Variants in ZNF66 observed in about 807,000 individuals in gnomAD.
ZNF66 encodes putative zinc finger protein 66.
Under a neutral mutation model 35.2 loss-of-function variants are expected in ZNF66, and 32 were observed. The ratio of observed to expected loss-of-function variants is 0.91; its 90% confidence interval spans 0.69 to 1.22. ZNF66 has a LOEUF of 1.22. ZNF66 is among the 50% of genes most tolerant of loss of function. The pLI, the probability that ZNF66 is intolerant of heterozygous loss-of-function variation, is 0.00. For missense variants in ZNF66, 666 were observed against 543.1 expected (o/e 1.23, Z -2.25); for synonymous variants, 231 against 181.3 (o/e 1.27, Z -2.20).
intron 1 of ZNF66, among the ~76,000 whole-genome samples, chr19:20,789,837 A>G (rs1202532171): frequency 6.6e-6 from 1 of 152,192 alleles, no homozygotes; most frequent in Non-Finnish European, 1.5e-5. Context: ...CATGCTCTTG[A>G]GCACACAGTA....
intron 3 of ZNF66, among the ~76,000 whole-genome samples, chr19:20,795,808 C>T (rs1971386777): frequency 6.6e-6 from 1 of 152,114 alleles, no homozygotes; most frequent in Non-Finnish European, 1.5e-5. Flanking sequence ...TGGGTGCCTT[C>T]CTCCAGGTCT....
intron 1 of ZNF66, among the ~76,000 whole-genome samples, chr19:20,785,797 C>CT (rs745409010): frequency 6.6e-6 from 1 of 151,570 alleles, no homozygotes; most frequent in African/African-American, 2.4e-5. Flanking sequence ...AGGTCTCACT[C>CT]TGTCACCAAG....
intron 3 of ZNF66, among the ~76,000 whole-genome samples, chr19:20,795,285 G>C (rs1361945524): frequency 6.6e-6 from 1 of 152,056 alleles, no homozygotes; most frequent in East Asian, 1.9e-4. Flanking sequence ...GTCTGAATTT[G>C]ATGGAGTAAA....
At position 20,776,312 on chromosome 19, in the gene ZNF66, C is replaced by G; in HGVS notation, c.-136C>G. The G allele has an allele frequency of 1.4e-6, 2 of 1,391,152 alleles. No individual in the cohort carries two copies. Among genetic ancestry groups the G allele is most frequent in the East Asian group, 2.3e-5 (1 of 43,210 alleles). The allele number at this position is 1,391,152 out of a possible 1,614,324, so 86.2% of individuals were successfully genotyped here. ...GATTTGGCGGGGTCTTTGTCTCTCCCTGCAGCTGGAGCTCCAGGTCGTCTG... is the reference window on the plus strand; with the variant it reads ...GATTTGGCGGGGTCTTTGTCTCTCCGTGCAGCTGGAGCTCCAGGTCGTCTG... On this transcript the variant is annotated 5_prime_UTR_variant, in exon 1 of 4. Coordinates refer to ENST00000344519, the MANE Select transcript of ZNF66 (RefSeq NM_001355197.2).
intron 3 of ZNF66, chr19:20,799,383 A>C (rs760850763): frequency 6.6e-6 from 1 of 152,128 alleles, no homozygotes; most frequent in Non-Finnish European, 1.5e-5. Flanking sequence ...TTTTAGATAT[A>C]GATTTATAAA....
chr19:20,793,961 T>G, intron 3 of ZNF66, 83 bp downstream of exon 3: 1 of 660,674 alleles, frequency 1.5e-6, no homozygotes, highest in South Asian at 2.7e-5. Flanking sequence ...TAAGGTGTGA[T>G]TCTGGAAGCT....
chr19:20,807,159 A>C lies in ZNF66; in HGVS notation c.1559A>C (p.Tyr520Ser). 1 of 786,586 alleles carries C rather than the reference A, an allele frequency of 1.3e-6. No individual in the cohort carries two copies. 48.7% of individuals were successfully genotyped at this position (786,586 alleles called of 1,614,324 possible). Reference protein sequence around the residue: ...KCEECGKDFKYSSTLTRHKKI... With the variant: ...KCEECGKDFKSSSTLTRHKKI... The stretch of plus-strand genomic sequence containing the variant: ...GAAGAATGTGGCAAAGACTTTAAGT[A>C]CTCCTCTACCCTTACTAGACATAAG... Residue 520 changes from tyrosine to serine, a missense_variant, in exon 4 of 4, where the codon TAC (tyrosine) becomes TCC (serine). Coordinates refer to ENST00000344519, the MANE Select transcript of ZNF66 (RefSeq NM_001355197.2).
intron 1 of ZNF66, among the ~76,000 whole-genome samples, chr19:20,784,262 G>A (rs1030178764): frequency 2.6e-5 from 4 of 152,038 alleles, no homozygotes; most frequent in African/African-American, 9.7e-5. Flanking sequence ...TTTAACTGAA[G>A]TATAGTTACA....
In ZNF66 at chr19:20,806,828, T is replaced by C; in HGVS notation, c.1228T>C (p.Ser410Pro). The change falls in exon 4 of 4, where the codon TCT becomes CCT. Residue 410 changes from serine (S) to proline (P), a missense_variant. Physicochemically the swap from Ser to Pro is moderately conservative, Grantham distance 74. Transcript: ENST00000344519. ...ATGTGGCAAAGTGTTTAAGCACTCC[T>C]CTCCCCTTTCTAAACATAAGAGAAT... ...EECGKVFKHS[S>P]PLSKHKRIHT... The C allele has an allele frequency of 7.6e-7, 1 of 1,312,682 alleles. No individual in the cohort carries two copies. The highest frequency in any genetic ancestry group is 1.1e-6 in the Non-Finnish European group (1 of 908,144). The allele number at this position is 1,312,682 out of a possible 1,614,324, so 81.3% of individuals were successfully genotyped here.
chr19:20,806,903 A>G lies in ZNF66; in HGVS notation c.1303A>G (p.Ser435Gly), dbSNP rs781380449. ...ATGTGAAGAATGTGGCAAAGCCTTC[A>G]GTCGGTCCTCTATTCTTACTACACA... ...YKCEECGKAF[S>G]RSSILTTHKI... is the part of the protein sequence containing the mutation. The change falls in exon 4 of 4, where the codon AGT (serine) becomes GGT (glycine). Residue 435 changes from serine to glycine, a missense_variant. By Grantham distance (56) the Ser-to-Gly change is moderately conservative. Coordinates refer to ENST00000344519, the MANE Select transcript of ZNF66 (RefSeq NM_001355197.2). 2 of 1,299,928 alleles carry G rather than the reference A, an allele frequency of 1.5e-6. No homozygotes were observed. Among genetic ancestry groups the G allele is most frequent in the Admixed American group, 3.4e-5 (2 of 59,546 alleles). The allele number at this position is 1,299,928 out of a possible 1,614,324, so 80.5% of individuals were successfully genotyped here.
chr19:20,786,690 T>C (rs546454708), intron 1 of ZNF66, among the ~76,000 whole-genome samples: 35 of 152,378 alleles, frequency 2.3e-4, no homozygotes, highest in Non-Finnish European at 4.6e-4. Context: ...TATGTATTAA[T>C]CTCTTGAAAC....
At chr19:20,803,311 CTTTT>C (rs71174750) in intron 3 of ZNF66, among the ~76,000 whole-genome samples, 2 of 131,522 alleles carry the variant, frequency 1.5e-5, no homozygotes, top group African/African-American at 5.8e-5. Context: ...CTCTTTCTGT[CTTTT>C]TTTTTTATCT....
At chr19:20,796,264 T>G (rs1568497799) in intron 3 of ZNF66, among the ~76,000 whole-genome samples, 1 of 152,172 alleles carries the variant, frequency 6.6e-6, no homozygotes, top group African/African-American at 2.4e-5. Context: ...TAGGGACTTT[T>G]AATCTTTTCA....
intron 3 of ZNF66, among the ~76,000 whole-genome samples, chr19:20,801,292 A>G (rs933760512): frequency 3.3e-5 from 5 of 151,438 alleles, no homozygotes; most frequent in Non-Finnish European, 7.4e-5. Flanking sequence ...CAGGCATTCT[A>G]TATCTTTTTT....
chr19:20,793,976 T>C, intron 3 of ZNF66, 98 bp downstream of exon 3: 1 of 627,800 alleles, frequency 1.6e-6, no homozygotes, highest in Non-Finnish European at 2.7e-6. Flanking sequence ...GAAGCTGTGT[T>C]CCAAAGGAAC....
intron 1 of ZNF66, among the ~76,000 whole-genome samples, chr19:20,776,762 G>A (rs1018347941): frequency 1.3e-5 from 2 of 152,102 alleles, no homozygotes; most frequent in African/African-American, 4.8e-5. Flanking sequence ...TCGCGGTGCG[G>A]GTTCATGAAT....
rs1371721556 is a variant in ZNF66, at chr19:20,809,560, A to G, written c.*2238A>G. The stretch of plus-strand genomic sequence containing the variant: ...TAAAGAAAAGAATTTTCAACCCAGA[A>G]TTTCATATCCAGCCAAACTAAGCTT... On this transcript the variant is annotated 3_prime_UTR_variant, in exon 4 of 4. Transcript: ENST00000344519. 6.6e-6 allele frequency among the ~76,000 whole-genome samples: 1 copy of G among 151,982 alleles called. No individual in the cohort carries two copies. Among genetic ancestry groups the G allele is most frequent in the Non-Finnish European group, 1.5e-5 (1 of 67,968 alleles).
intron 3 of ZNF66, among the ~76,000 whole-genome samples, chr19:20,797,607 A>G (rs937490551): frequency 2.9e-4 from 44 of 150,348 alleles, no homozygotes; most frequent in Non-Finnish European, 5.9e-4. Context: ...TCTGTCACCC[A>G]GGCTGGAGTG....
intron 1 of ZNF66, among the ~76,000 whole-genome samples, chr19:20,789,928 G>A (rs1971320698): frequency 6.6e-6 from 1 of 152,126 alleles, no homozygotes; most frequent in African/African-American, 2.4e-5. Context: ...GCTGCCTTCT[G>A]TTTCCTCTCC....
Sources: gnomAD v4.1 joint callset for allele counts (sites outside exome capture counted in the v4.1 genomes callset) on GRCh38, gnomAD v4.1.1 for gene constraint, MANE v1.5 for transcripts, NCBI Gene and HGNC (gene_info 2026-07-23, HGNC 2026-07-21) for gene names.